MSH3: variants seen among roughly 807,000 people sequenced by gnomAD.
MSH3 encodes mutS homolog 3, also known as DNA mismatch repair protein Msh3.
Under a neutral mutation model 123.3 loss-of-function variants are expected in MSH3, and 106 were observed. That is an observed-to-expected ratio of 0.86 (90% CI 0.73 to 1.01). The LOEUF is 1.01. Ranked by LOEUF, MSH3 falls within the 50% of genes least tolerant of loss-of-function variation. MSH3 has a pLI of 0.00. For missense variants in MSH3, 1,459 were observed against 1,347.6 expected (o/e 1.08, Z -1.29); for synonymous variants, 515 against 481.4 (o/e 1.07, Z -0.91).
intron 8 of MSH3, among the ~76,000 whole-genome samples, chr5:80,704,631 A>T (rs900451365): frequency 6.6e-6 from 1 of 152,172 alleles, no homozygotes; most frequent in African/African-American, 2.4e-5. Context: ...GATGTGAGGC[A>T]AATAAGGTGG....
At chr5:80,824,440 G>A (rs933060401) in intron 20 of MSH3, among the ~76,000 whole-genome samples, 1 of 152,060 alleles carries the variant, frequency 6.6e-6, no homozygotes, top group African/African-American at 2.4e-5. Context: ...CCGGGCGGGG[G>A]CTGCCCCCCA....
At chr5:80,746,655 A>T in intron 12 of MSH3, 1 of 308,526 alleles carries the variant, frequency 3.2e-6, no homozygotes, top group South Asian at 3.0e-5. Flanking sequence ...CCACCAAATG[A>T]CCTTTTAAAA....
intron 17 of MSH3, among the ~76,000 whole-genome samples, chr5:80,783,100 A>G (rs1744438567): frequency 6.6e-6 from 1 of 152,220 alleles, no homozygotes; most frequent in African/African-American, 2.4e-5. Context: ...TTCAATTTTT[A>G]TTAACTTCAG....
chr5:80,735,727 T>C (rs1743494365), intron 10 of MSH3, among the ~76,000 whole-genome samples: 1 of 151,934 alleles, frequency 6.6e-6, no homozygotes, highest in Non-Finnish European at 1.5e-5. Context: ...AAGAGCGAGA[T>C]GTATGAAGTT....
intron 2 of MSH3, among the ~76,000 whole-genome samples, chr5:80,662,846 T>G (rs1749469854): frequency 6.6e-6 from 1 of 151,810 alleles, no homozygotes; most frequent in South Asian, 2.1e-4. Flanking sequence ...AAAAATTTTA[T>G]TTGGGAAGCA....
At chr5:80,753,335 C>T (rs539035154) in intron 12 of MSH3, among the ~76,000 whole-genome samples, 1 of 152,228 alleles carries the variant, frequency 6.6e-6, no homozygotes, top group African/African-American at 2.4e-5. Context: ...CATTTCTTTT[C>T]CTGAATCTGG....
chr5:80,857,109 G>A (rs1319960500), intron 21 of MSH3, among the ~76,000 whole-genome samples: 1 of 152,044 alleles, frequency 6.6e-6, no homozygotes, highest in Non-Finnish European at 1.5e-5. Context: ...TTATTGAATG[G>A]GTGTTAGATT....
chr5:80,703,255 G>A (rs958545531), intron 8 of MSH3, among the ~76,000 whole-genome samples: 10 of 152,184 alleles, frequency 6.6e-5, no homozygotes, highest in African/African-American at 2.4e-4. Flanking sequence ...TTAAGTGTGA[G>A]CAATTTCTAG....
At chr5:80,866,171 C>T (rs1746094799) in intron 22 of MSH3, among the ~76,000 whole-genome samples, 3 of 152,170 alleles carry the variant, frequency 2.0e-5, no homozygotes, top group Non-Finnish European at 1.5e-5. Flanking sequence ...GATGGGGTGT[C>T]ACTGTCATCC....
intron 3 of MSH3, among the ~76,000 whole-genome samples, chr5:80,669,063 C>A (rs1160059333): frequency 6.6e-6 from 1 of 152,212 alleles, no homozygotes; most frequent in Non-Finnish European, 1.5e-5. Context: ...CCATGCCTCA[C>A]CGTCTTCTTA....
At chr5:80,760,006 G>A (rs2112878796) in intron 12 of MSH3, among the ~76,000 whole-genome samples, 1 of 152,316 alleles carries the variant, frequency 6.6e-6, no homozygotes, top group East Asian at 1.9e-4. Flanking sequence ...CTCACAGGTA[G>A]TTAAGGATAA....
At chr5:80,707,156 G>A (rs998014666) in intron 8 of MSH3, among the ~76,000 whole-genome samples, 3 of 152,200 alleles carry the variant, frequency 2.0e-5, no homozygotes, top group African/African-American at 7.2e-5. Flanking sequence ...TGTCCAGCTC[G>A]TTTTACTCAG....
At chr5:80,815,638 G>A (rs956372597) in intron 20 of MSH3, among the ~76,000 whole-genome samples, 2 of 152,034 alleles carry the variant, frequency 1.3e-5, no homozygotes, top group Non-Finnish European at 2.9e-5. Context: ...ATTCACATGA[G>A]GTAAAAAGGA....
chr5:80,683,992 G>C (rs1750028488), intron 8 of MSH3, among the ~76,000 whole-genome samples: 1 of 152,122 alleles, frequency 6.6e-6, no homozygotes, highest in South Asian at 2.1e-4. Flanking sequence ...TGAGTTCACT[G>C]TAGATGTATG....
intron 2 of MSH3, among the ~76,000 whole-genome samples, chr5:80,664,453 G>T (rs568612838): frequency 6.6e-6 from 1 of 151,256 alleles, no homozygotes; most frequent in Non-Finnish European, 1.5e-5. Context: ...AGAGGCCGTG[G>T]ATCTCAGCAT....
At chr5:80,842,738 T>G (rs1467896419) in intron 20 of MSH3, among the ~76,000 whole-genome samples, 2 of 152,210 alleles carry the variant, frequency 1.3e-5, no homozygotes, top group Admixed American at 6.5e-5. Flanking sequence ...TGCTTGTGAT[T>G]TTTGCACATT....
At chr5:80,667,033 T>G (rs1749588590) in intron 3 of MSH3, among the ~76,000 whole-genome samples, 1 of 152,154 alleles carries the variant, frequency 6.6e-6, no homozygotes, top group Admixed American at 6.5e-5. Context: ...CAAACCCTCA[T>G]GACACAAGTT....
intron 10 of MSH3, 93 bp downstream of exon 10, chr5:80,729,058 G>C: frequency 1.3e-6 from 1 of 773,628 alleles, no homozygotes; most frequent in South Asian, 1.5e-5. Flanking sequence ...AGAGAAGCTT[G>C]CCTGCTATTG....
chr5:80,684,995 C>T (rs771220637), intron 8 of MSH3, among the ~76,000 whole-genome samples: 6 of 151,896 alleles, frequency 4.0e-5, no homozygotes, highest in Non-Finnish European at 8.8e-5. Flanking sequence ...ACCGTCTTTG[C>T]ATCTCTGTGA....
Sources: gnomAD v4.1 joint callset for allele counts (sites outside exome capture counted in the v4.1 genomes callset) on GRCh38, gnomAD v4.1.1 for gene constraint, MANE v1.5 for transcripts, NCBI Gene and HGNC (gene_info 2026-07-23, HGNC 2026-07-21) for gene names.